Variants in PDE4D observed in about 807,000 individuals in gnomAD.
The protein encoded by PDE4D is phosphodiesterase 4D.
A neutral mutation model predicts 87.4 loss-of-function variants in PDE4D; 24 were observed. The ratio of observed to expected loss-of-function variants is 0.27; its 90% CI spans 0.20 to 0.39. PDE4D has a LOEUF of 0.39. Ranked by LOEUF, PDE4D falls within the 10% of genes least tolerant of loss-of-function variation. The pLI, the probability that PDE4D is intolerant of heterozygous loss-of-function variation, is 1.00. For synonymous variants in PDE4D, 384 were observed against 383.2 expected, an observed-to-expected ratio of 1.00 and a Z score of -0.02; for missense variants, 714 against 1,041.0, an observed-to-expected ratio of 0.69 and a Z score of 4.32.
chr5:60,204,008 T>C (rs1742211689), intron 1 of PDE4D, among the ~76,000 whole-genome samples: 1 of 152,226 alleles, frequency 6.6e-6, no homozygotes, highest in Non-Finnish European at 1.5e-5. Context: ...AGTTTACATC[T>C]TTAAGATGCA....
At chr5:60,354,903 A>G (rs976510460) in intron 1 of PDE4D, among the ~76,000 whole-genome samples, 1 of 152,196 alleles carries the variant, frequency 6.6e-6, no homozygotes, top group Non-Finnish European at 1.5e-5. Context: ...CATTTGGCAG[A>G]ATCCACTCTC....
At chr5:60,198,814 C>T (rs891362422) in intron 1 of PDE4D, among the ~76,000 whole-genome samples, 3 of 151,606 alleles carry the variant, frequency 2.0e-5, no homozygotes, top group Non-Finnish European at 4.4e-5. Flanking sequence ...GCTTATCCTT[C>T]TCATCTTAGA....
chr5:59,600,971 A>G (rs1221656596), intron 1 of PDE4D, among the ~76,000 whole-genome samples: 3 of 152,194 alleles, frequency 2.0e-5, no homozygotes, highest in African/African-American at 7.2e-5. Flanking sequence ...ATTTCATCTT[A>G]GAAAATCAGA....
At chr5:59,427,410 C>G (rs7714403) in intron 1 of PDE4D, among the ~76,000 whole-genome samples, 6,314 of 151,660 alleles carry the variant, frequency 0.042, 433 homozygotes, top group African/African-American at 0.14. Flanking sequence ...ATTATTTAAC[C>G]TGTTCTGGGC....
At chr5:59,935,553 TTTTAA>T (rs1299322353) in intron 3 of PDE4D, among the ~76,000 whole-genome samples, 4 of 152,232 alleles carry the variant, frequency 2.6e-5, no homozygotes, top group African/African-American at 9.6e-5. Flanking sequence ...CAAAGTTGGC[TTTTAA>T]TTTATTTTCC....
At chr5:59,701,415 T>C (rs1752546608) in intron 1 of PDE4D, among the ~76,000 whole-genome samples, 1 of 152,234 alleles carries the variant, frequency 6.6e-6, no homozygotes, top group Admixed American at 6.5e-5. Flanking sequence ...ATTTGTATTA[T>C]TTATGTTAGT....
chr5:59,310,518 C>T (rs903594719), intron 1 of PDE4D, among the ~76,000 whole-genome samples: 9 of 152,158 alleles, frequency 5.9e-5, no homozygotes, highest in Admixed American at 5.9e-4. Context: ...GCAACTCCTA[C>T]TTCCTTTCTA....
At chr5:59,657,148 G>C (rs1744496773) in intron 1 of PDE4D, among the ~76,000 whole-genome samples, 1 of 152,110 alleles carries the variant, frequency 6.6e-6, no homozygotes, top group Admixed American at 6.6e-5. Flanking sequence ...GATATTGAAA[G>C]GACAAATTTG....
At chr5:60,409,723 T>C (rs1741882074) in intron 1 of PDE4D, among the ~76,000 whole-genome samples, 1 of 152,262 alleles carries the variant, frequency 6.6e-6, no homozygotes, top group Admixed American at 6.5e-5. Context: ...CAAGTCTTAC[T>C]GACATATTGT....
chr5:59,492,913 G>A lies in PDE4D; in HGVS notation c.456-276945C>T, dbSNP rs1286215613. On this transcript the variant is annotated intron_variant, in intron 1 of 14. Transcript: ENST00000340635. Reference sequence around the variant, plus strand: ...TTGCCTGCCACCATCCATATAAGACGCGACTTGCTCCTCCTTGCCTTTTGC... The same window carrying A: ...TTGCCTGCCACCATCCATATAAGACACGACTTGCTCCTCCTTGCCTTTTGC... Among the ~76,000 whole-genome samples, 29 of 152,098 alleles carry A rather than the reference G, an allele frequency of 1.9e-4. 1 individual carries two copies. The highest frequency in any genetic ancestry group is 1.9e-3 in the Admixed American group (29 of 15,264).
intron 11 of PDE4D, among the ~76,000 whole-genome samples, chr5:58,978,641 C>T (rs1182800864): frequency 6.6e-6 from 1 of 152,030 alleles, no homozygotes; most frequent in African/African-American, 2.4e-5. Flanking sequence ...ATTATTTTAT[C>T]GGAACTATAG....
intron 1 of PDE4D, among the ~76,000 whole-genome samples, chr5:59,821,198 A>C (rs1011346860): frequency 6.6e-6 from 1 of 152,208 alleles, no homozygotes; most frequent in Admixed American, 6.5e-5. Context: ...GTGCCACTGC[A>C]CTCCAGCCTC....
intron 1 of PDE4D, among the ~76,000 whole-genome samples, chr5:59,789,377 T>A (rs1453352385): frequency 6.6e-6 from 1 of 152,220 alleles, no homozygotes; most frequent in Non-Finnish European, 1.5e-5. Context: ...TTATGTCATC[T>A]ATGTTCCCAG....
chr5:59,480,431 C>T (rs73097360), intron 1 of PDE4D, among the ~76,000 whole-genome samples: 2,146 of 152,144 alleles, frequency 0.014, 62 homozygotes, highest in African/African-American at 0.049. Context: ...AATAAAAATG[C>T]CATCTGCCAA....
intron 1 of PDE4D, among the ~76,000 whole-genome samples, chr5:59,596,336 CAA>C (rs961666957): frequency 2.2e-5 from 3 of 135,406 alleles, no homozygotes; most frequent in African/African-American, 5.4e-5. Flanking sequence ...ACGAGAAATA[CAA>C]AAAAAAAAAG....
chr5:59,311,845 C>G (rs1239129871), intron 1 of PDE4D, among the ~76,000 whole-genome samples: 1 of 152,120 alleles, frequency 6.6e-6, no homozygotes, highest in Non-Finnish European at 1.5e-5. Context: ...GACCCTAATC[C>G]TCGTAAAGCT....
intron 1 of PDE4D, among the ~76,000 whole-genome samples, chr5:59,593,829 T>C (rs1275875191): frequency 6.6e-6 from 1 of 152,118 alleles, no homozygotes; most frequent in South Asian, 2.1e-4. Flanking sequence ...GTCCCCACAA[T>C]TCTGTGTGTT....
intron 1 of PDE4D, among the ~76,000 whole-genome samples, chr5:59,676,823 G>A (rs955929266): frequency 7.2e-5 from 11 of 151,750 alleles, no homozygotes; most frequent in South Asian, 4.2e-4. Context: ...ATAATATATC[G>A]TTGTTAACTA....
intron 6 of PDE4D, among the ~76,000 whole-genome samples, chr5:59,038,005 C>T (rs1758851863): frequency 6.6e-6 from 1 of 152,218 alleles, no homozygotes; most frequent in Admixed American, 6.5e-5. Flanking sequence ...CTGAATCCTT[C>T]AGCCATCTGC....
Sources: allele counts gnomAD v4.1 joint callset (sites outside exome capture counted in the v4.1 genomes callset), GRCh38; gene constraint gnomAD v4.1.1; transcripts MANE v1.5; gene names NCBI Gene and HGNC (gene_info 2026-07-23, HGNC 2026-07-21).